MSRA: variants seen among roughly 807,000 people sequenced by gnomAD.
MSRA encodes mitochondrial peptide methionine sulfoxide reductase.
A neutral mutation model predicts 31.3 loss-of-function variants in MSRA; 54 were observed. The observed-to-expected ratio is 1.73, with a 90% confidence interval of 1.39 to 2.17. The LOEUF (loss-of-function observed/expected upper bound fraction) is 2.17. Ranked by LOEUF, MSRA falls within the 30% of genes most tolerant of loss-of-function variation. The pLI, the probability that MSRA is intolerant of heterozygous loss-of-function variation, is 0.00. For synonymous variants in MSRA, 169 were observed against 116.5 expected (o/e 1.45, Z -2.90); for missense variants, 507 against 300.9 (o/e 1.69, Z -5.07).
intron 1 of MSRA, among the ~76,000 whole-genome samples, chr8:10,122,049 C>G (rs1362687201): frequency 6.6e-6 from 1 of 152,066 alleles, no homozygotes; most frequent in Non-Finnish European, 1.5e-5. Flanking sequence ...TCTACAAGAA[C>G]AGCGGTCCTG....
chr8:10,421,871 G>A (rs531621375), intron 5 of MSRA, among the ~76,000 whole-genome samples: 1 of 152,288 alleles, frequency 6.6e-6, no homozygotes, highest in Non-Finnish European at 1.5e-5. Flanking sequence ...TAGAAATGGG[G>A]ATTCCATGGG....
In MSRA at chr8:10,090,218, C is replaced by G. The variant is rs146388743; in HGVS notation, c.142+35560C>G. Among the ~76,000 whole-genome samples the G allele has an allele frequency of 6.4e-4, 97 of 152,250 alleles. 2 individuals carry two copies. In the East Asian group the frequency reaches 0.018, roughly 28 times the overall value. The stretch of plus-strand genomic sequence containing the variant: ...AGTGTGAGTTGGAAGACAAAAATGA[C>G]TGGGTGCCTCTGGGAGGGCCTAGCA... On this transcript the variant is annotated intron_variant, in intron 1 of 5. Transcript: ENST00000317173.
Position 10,224,705 on chromosome 8 carries a change from A to C in MSRA, c.211+16804A>C, listed in dbSNP as rs151226185. 4.8e-3 allele frequency among the ~76,000 whole-genome samples: 726 copies of C among 152,268 alleles called. 2 individuals are homozygous for C. Among genetic ancestry groups the C allele is most frequent in the Non-Finnish European group, 7.7e-3 (526 of 68,000 alleles). Reference sequence around the variant, plus strand: ...AATCTGATTATTACCTCCCCATCAGAGAGAGACACTCCTCGTGGTACAGCT... The same window carrying C: ...AATCTGATTATTACCTCCCCATCAGCGAGAGACACTCCTCGTGGTACAGCT... On this transcript the variant is annotated intron_variant, in intron 2 of 5. Transcript: ENST00000317173.
chr8:10,280,631 A>G (rs959109455), intron 3 of MSRA, among the ~76,000 whole-genome samples: 1 of 152,196 alleles, frequency 6.6e-6, no homozygotes, highest in Non-Finnish European at 1.5e-5. Context: ...AAGGTTAAAC[A>G]TAGGGTTAGT....
chr8:10,081,299 A>C (rs1022253247), intron 1 of MSRA, among the ~76,000 whole-genome samples: 1 of 152,088 alleles, frequency 6.6e-6, no homozygotes, highest in African/African-American at 2.4e-5. Context: ...TCTATAACCC[A>C]CGTGCCATTT....
intron 3 of MSRA, among the ~76,000 whole-genome samples, chr8:10,260,915 T>C (rs1164469603): frequency 6.6e-6 from 1 of 152,236 alleles, no homozygotes; most frequent in African/African-American, 2.4e-5. Flanking sequence ...ATTCAAAATA[T>C]AGCTGAAATA....
chr8:10,067,596 A>G (rs1691219932), intron 1 of MSRA, among the ~76,000 whole-genome samples: 1 of 152,222 alleles, frequency 6.6e-6, no homozygotes, highest in Non-Finnish European at 1.5e-5. Flanking sequence ...TCCATAACAA[A>G]CTGCCAAATT....
intron 1 of MSRA, among the ~76,000 whole-genome samples, chr8:10,196,660 C>G (rs1808016514): frequency 6.6e-6 from 1 of 152,190 alleles, no homozygotes; most frequent in South Asian, 2.1e-4. Context: ...AGCCATTTTC[C>G]TGCCTCACCC....
chr8:10,164,655 A>T (rs955158446), intron 1 of MSRA, among the ~76,000 whole-genome samples: 3 of 152,226 alleles, frequency 2.0e-5, no homozygotes, highest in African/African-American at 7.2e-5. Flanking sequence ...TTGAAAGCAG[A>T]GTATAATGCC....
chr8:10,264,264 A>T (rs982717058), intron 3 of MSRA, among the ~76,000 whole-genome samples: 1 of 152,228 alleles, frequency 6.6e-6, no homozygotes, highest in African/African-American at 2.4e-5. Context: ...CCAGTAGCTT[A>T]TGAGAACTCC....
At chr8:10,379,216 A>T (rs951632192) in intron 5 of MSRA, among the ~76,000 whole-genome samples, 1 of 152,116 alleles carries the variant, frequency 6.6e-6, no homozygotes, top group Non-Finnish European at 1.5e-5. Flanking sequence ...TGCCCAGGGA[A>T]AGTCACCTTT....
intron 5 of MSRA, among the ~76,000 whole-genome samples, chr8:10,424,539 G>A (rs551261971): frequency 1.2e-4 from 18 of 151,816 alleles, no homozygotes; most frequent in Non-Finnish European, 2.5e-4. Flanking sequence ...GAGTGGGATG[G>A]GGAGAAGGAC....
intron 1 of MSRA, among the ~76,000 whole-genome samples, chr8:10,084,151 C>G (rs923212260): frequency 6.6e-6 from 1 of 152,262 alleles, no homozygotes; most frequent in Non-Finnish European, 1.5e-5. Flanking sequence ...TTATGGAGTA[C>G]TCTCCGACTT....
intron 3 of MSRA, among the ~76,000 whole-genome samples, chr8:10,266,343 C>G (rs1159616463): frequency 6.6e-6 from 1 of 152,124 alleles, no homozygotes; most frequent in African/African-American, 2.4e-5. Flanking sequence ...TCCTGACGAC[C>G]GAATTATATT....
At chr8:10,360,178 G>C (rs989524661) in intron 5 of MSRA, among the ~76,000 whole-genome samples, 5 of 152,214 alleles carry the variant, frequency 3.3e-5, no homozygotes, top group African/African-American at 1.2e-4. Context: ...GCTGCTCTCA[G>C]TGTTAGCCAC....
intron 1 of MSRA, among the ~76,000 whole-genome samples, chr8:10,203,771 C>T (rs1167330719): frequency 6.6e-6 from 1 of 152,204 alleles, no homozygotes; most frequent in African/African-American, 2.4e-5. Context: ...GCAGGTACTT[C>T]AGGAGGTGTC....
At chr8:10,355,719 A>G (rs1416493960) in intron 5 of MSRA, among the ~76,000 whole-genome samples, 1 of 152,042 alleles carries the variant, frequency 6.6e-6, no homozygotes, top group Non-Finnish European at 1.5e-5. Flanking sequence ...TGGAAAGCAG[A>G]GGATTGGTGG....
In MSRA at chr8:10,056,727, CT is replaced by C. The variant is rs763513310; in HGVS notation, c.142+2070del. 5.4e-4 allele frequency among the ~76,000 whole-genome samples: 82 copies of C among 152,154 alleles called. 1 individual carries two copies. Among genetic ancestry groups the C allele is most frequent in the Middle Eastern group, 3.2e-3 (1 of 316 alleles). On this transcript the variant is annotated intron_variant, in intron 1 of 5. Transcript: ENST00000317173. ...TTACCTCTTCAGTGGGTTTCAGTAG[CT>C]GTAAACTTGAAACTTAAGGATTTAG...
At chr8:10,380,217 A>C (rs985275232) in intron 5 of MSRA, among the ~76,000 whole-genome samples, 3 of 152,016 alleles carry the variant, frequency 2.0e-5, no homozygotes. Flanking sequence ...CCTCTGCCTA[A>C]ATGTTTATTT....
Sources: allele counts gnomAD v4.1 joint callset (sites outside exome capture counted in the v4.1 genomes callset), GRCh38; gene constraint gnomAD v4.1.1; transcripts MANE v1.5; gene names NCBI Gene and HGNC (gene_info 2026-07-23, HGNC 2026-07-21).